The following TMEM40 variants were observed in gnomAD, a reference collection of about 807,000 sequenced individuals.
The protein encoded by TMEM40 is transmembrane protein 40.
A neutral mutation model predicts 40.8 loss-of-function variants in TMEM40; 34 were observed. The observed-to-expected ratio is 0.83, with a 90% CI of 0.63 to 1.11. The LOEUF (loss-of-function observed/expected upper bound fraction) is 1.11. TMEM40 is among the 50% of genes least tolerant of loss of function. The pLI is 0.00. For synonymous variants in TMEM40, 106 were observed against 107.0 expected, an observed-to-expected ratio of 0.99 and a Z score of 0.06; for missense variants, 296 against 280.2, an observed-to-expected ratio of 1.06 and a Z score of -0.40.
intron 11 of TMEM40, among the ~76,000 whole-genome samples, chr3:12,735,072 A>G (rs963159961): frequency 2.6e-5 from 4 of 152,182 alleles, no homozygotes; most frequent in African/African-American, 9.7e-5. Context: ...AAGAAAGACG[A>G]TGTGCTTTCG....
intron 1 of TMEM40, among the ~76,000 whole-genome samples, chr3:12,754,252 C>A (rs2061501710): frequency 6.6e-6 from 1 of 152,104 alleles, no homozygotes; most frequent in Non-Finnish European, 1.5e-5. Flanking sequence ...GTGGAGCTGG[C>A]AGTGAGCCGA....
At chr3:12,755,556 T>C (rs905363529) in intron 1 of TMEM40, among the ~76,000 whole-genome samples, 3 of 152,280 alleles carry the variant, frequency 2.0e-5, no homozygotes, top group Admixed American at 6.5e-5. Flanking sequence ...TTGGCTTAGA[T>C]GTTCTTAGCT....
chr3:12,750,429 G>GT (rs1419396032), intron 1 of TMEM40, among the ~76,000 whole-genome samples: 1 of 152,270 alleles, frequency 6.6e-6, no homozygotes, highest in Non-Finnish European at 1.5e-5. Context: ...CCTCTTGACA[G>GT]CTACGTGCAC....
intron 3 of TMEM40, among the ~76,000 whole-genome samples, chr3:12,745,226 ATTT>A (rs144839288): frequency 1.5e-4 from 19 of 127,088 alleles, no homozygotes; most frequent in Admixed American, 4.0e-4. Context: ...CACCTGGCTA[ATTT>A]TTTTTTTTTT....
chr3:12,743,129 T>A (rs748297199), intron 4 of TMEM40, among the ~76,000 whole-genome samples: 4 of 152,210 alleles, frequency 2.6e-5, no homozygotes, highest in African/African-American at 7.2e-5. Flanking sequence ...CTTATGAAAT[T>A]TGTTGTTTAT....
intron 1 of TMEM40, chr3:12,769,221 CG>C (rs1559538295): frequency 7.7e-6 from 3 of 392,020 alleles, no homozygotes; most frequent in South Asian, 5.1e-5. Flanking sequence ...CGTGCAGCCC[CG>C]GTTCCCGCCC....
intron 1 of TMEM40, among the ~76,000 whole-genome samples, chr3:12,756,300 G>A (rs1438533698): frequency 6.6e-6 from 1 of 152,032 alleles, no homozygotes; most frequent in African/African-American, 2.4e-5. Context: ...ATCAGCTAAC[G>A]GCCACCATAC....
At chr3:12,743,206 C>A (rs1192274893) in intron 4 of TMEM40, among the ~76,000 whole-genome samples, 1 of 152,156 alleles carries the variant, frequency 6.6e-6, no homozygotes, top group African/African-American at 2.4e-5. Flanking sequence ...GGTGGCTCAC[C>A]TCTGTAATCC....
intron 1 of TMEM40, among the ~76,000 whole-genome samples, chr3:12,756,856 A>T (rs1276139160): frequency 6.6e-6 from 1 of 151,514 alleles, no homozygotes; most frequent in Non-Finnish European, 1.5e-5. Flanking sequence ...ACACATATAC[A>T]CACTCTCTCT....
chr3:12,752,640 T>C (rs912355639), intron 1 of TMEM40, among the ~76,000 whole-genome samples: 2 of 151,694 alleles, frequency 1.3e-5, no homozygotes, highest in African/African-American at 4.8e-5. Flanking sequence ...CTACTAAAAA[T>C]ACAAAAATTA....
intron 5 of TMEM40, chr3:12,741,292 G>C (rs142388677): frequency 1.2e-4 from 19 of 152,358 alleles, no homozygotes; most frequent in African/African-American, 4.6e-4. Context: ...TGGTGACCTT[G>C]CTCCTAGCCT....
At chr3:12,768,146 G>A (rs1404934752) in intron 1 of TMEM40, among the ~76,000 whole-genome samples, 3 of 152,120 alleles carry the variant, frequency 2.0e-5, no homozygotes, top group Non-Finnish European at 4.4e-5. Context: ...GCAGACCTTC[G>A]CGGTGAGTGT....
chr3:12,738,503 C>T, intron 6 of TMEM40, 50 bp downstream of exon 6: 12 of 1,605,346 alleles, frequency 7.5e-6, no homozygotes, highest in Non-Finnish European at 1.0e-5. Context: ...ATGCCTAGAC[C>T]TGGCTCAATA....
At chr3:12,754,068 G>A (rs532426361) in intron 1 of TMEM40, among the ~76,000 whole-genome samples, 2 of 152,184 alleles carry the variant, frequency 1.3e-5, no homozygotes, top group East Asian at 1.9e-4. Context: ...GGAGCCACAC[G>A]GGGCAAGGCT....
intron 4 of TMEM40, among the ~76,000 whole-genome samples, chr3:12,742,797 C>G (rs2061393940): frequency 6.6e-6 from 1 of 152,198 alleles, no homozygotes; most frequent in Admixed American, 6.5e-5. Context: ...TGCACCAACA[C>G]TGTACTAAGT....
chr3:12,737,571 C>G, intron 8 of TMEM40, 136 bp downstream of exon 8: 1 of 784,872 alleles, frequency 1.3e-6, no homozygotes, highest in South Asian at 1.6e-5. Flanking sequence ...TGATTCTGAG[C>G]TGAGTAATGT....
intron 1 of TMEM40, among the ~76,000 whole-genome samples, chr3:12,757,770 C>T (rs189381835): frequency 1.8e-4 from 28 of 152,268 alleles, no homozygotes; most frequent in Admixed American, 1.4e-3. Context: ...AACCTATATC[C>T]GAACAAAGAC....
rs1413481219 is a variant in TMEM40 at position 12,748,796 on chromosome 3, CA to C, written c.74-5del. ...TTGTGGAAATCTGTCTCTCCATCTACAAGGCACACAGAGGCCAGGGGATGAG... is the reference window on the plus strand; with the variant it reads ...TTGTGGAAATCTGTCTCTCCATCTACAGGCACACAGAGGCCAGGGGATGAG... On this transcript the variant is annotated splice_polypyrimidine_tract_variant and splice_region_variant and intron_variant, in intron 2 of 11. Coordinates refer to ENST00000314124, the MANE Select transcript of TMEM40 (RefSeq NM_018306.4). The C allele has an allele frequency of 6.2e-7, 1 of 1,613,828 alleles. No individual in the cohort carries two copies.
At chr3:12,763,574 CAGA>C (rs2061582081), upstream of TMEM40, among the ~76,000 whole-genome samples, 2 of 152,194 alleles carry the variant, frequency 1.3e-5, no homozygotes, top group Admixed American at 1.3e-4. Context: ...CCCTGAATTC[CAGA>C]ACTGCAAGCG....
Sources: gnomAD v4.1 joint callset for allele counts (sites outside exome capture counted in the v4.1 genomes callset) on GRCh38, gnomAD v4.1.1 for gene constraint, MANE v1.5 for transcripts, NCBI Gene and HGNC (gene_info 2026-07-23, HGNC 2026-07-21) for gene names.